HHAT: variants seen among roughly 807,000 people sequenced by gnomAD.
HHAT encodes protein-cysteine N-palmitoyltransferase HHAT.
Under a neutral mutation model 70.8 loss-of-function variants are expected in HHAT, and 47 were observed. The observed-to-expected ratio is 0.66, with a 90% CI of 0.53 to 0.85. HHAT has a LOEUF of 0.85. HHAT is among the 40% of genes least tolerant of loss of function. The pLI, the probability that HHAT is intolerant of heterozygous loss-of-function variation, is 0.00. For synonymous variants in HHAT, 228 were observed against 247.6 expected (o/e 0.92, Z 0.74); for missense variants, 609 against 604.8 (o/e 1.01, Z -0.07).
At chr1:210,561,303 A>C (rs1216126587) in intron 9 of HHAT, among the ~76,000 whole-genome samples, 2 of 152,254 alleles carry the variant, frequency 1.3e-5, no homozygotes, top group Non-Finnish European at 2.9e-5. Context: ...AAATATGAGC[A>C]GGGTACTTAA....
intron 6 of HHAT, among the ~76,000 whole-genome samples, 166 bp from the exon 7 acceptor site, chr1:210,417,988 C>A (rs911530488): frequency 2.0e-5 from 3 of 152,154 alleles, no homozygotes; most frequent in Non-Finnish European, 2.9e-5. Flanking sequence ...AGCTGAAATA[C>A]GATTCTTCCA....
chr1:210,629,427 C>A (rs1043887195), intron 11 of HHAT, among the ~76,000 whole-genome samples: 2 of 152,256 alleles, frequency 1.3e-5, no homozygotes, highest in Non-Finnish European at 2.9e-5. Context: ...GTTATGGAAA[C>A]TTTTTCCTGC....
At chr1:210,376,328 C>T (rs1173998094) in intron 3 of HHAT, among the ~76,000 whole-genome samples, 1 of 152,118 alleles carries the variant, frequency 6.6e-6, no homozygotes, top group African/African-American at 2.4e-5. Flanking sequence ...AGCTCTCTAG[C>T]CAGTCTGCTC....
intron 11 of HHAT, among the ~76,000 whole-genome samples, chr1:210,635,513 G>A (rs1225858222): frequency 6.6e-6 from 1 of 152,162 alleles, no homozygotes; most frequent in African/African-American, 2.4e-5. Flanking sequence ...GGGTGATCAG[G>A]GGGAGGCGGT....
chr1:210,357,226 G>A (rs1224165880), intron 2 of HHAT, among the ~76,000 whole-genome samples: 3 of 151,662 alleles, frequency 2.0e-5, no homozygotes, highest in Non-Finnish European at 4.4e-5. Flanking sequence ...GGTCCTTCAG[G>A]TAGGTGTTGG....
intron 6 of HHAT, among the ~76,000 whole-genome samples, chr1:210,409,573 C>A (rs1480835397): frequency 6.6e-6 from 1 of 152,166 alleles, no homozygotes; most frequent in Non-Finnish European, 1.5e-5. Flanking sequence ...ACAACTGCCA[C>A]AAGGCCTCCT....
Position 210,387,611 on chromosome 1 carries a change from G to C in HHAT, c.273+30G>C, listed in dbSNP as rs1261776476. On this transcript the variant is annotated intron_variant, in intron 4 of 11. Coordinates refer to ENST00000261458, the MANE Select transcript of HHAT (RefSeq NM_018194.6). ...GATTATATGTGTTGTTACCTTTTAA[G>C]TGTGTTTTTCCTTTGCTTCTTGTGA... The C allele has an allele frequency of 3.2e-6, 5 of 1,553,028 alleles. No homozygotes were observed. The Admixed American group carries it at 8.4e-5, about 26-fold the overall frequency.
chr1:210,332,486 G>A (rs1008444362), intron 1 of HHAT, among the ~76,000 whole-genome samples: 9 of 152,164 alleles, frequency 5.9e-5, no homozygotes, highest in African/African-American at 2.2e-4. Context: ...CTCAATATCC[G>A]CTGCTATTTC....
chr1:210,514,613 T>C (rs17260473), intron 9 of HHAT, among the ~76,000 whole-genome samples: 11,658 of 152,250 alleles, frequency 0.077, 555 homozygotes, highest in Non-Finnish European at 0.11. Context: ...CATGTCTTAG[T>C]CACCTATCAA....
intron 4 of HHAT, among the ~76,000 whole-genome samples, chr1:210,389,635 T>C (rs1448736429): frequency 6.6e-6 from 1 of 152,264 alleles, no homozygotes; most frequent in Non-Finnish European, 1.5e-5. Context: ...ATATGTTTGC[T>C]TCCCCTTTGC....
intron 9 of HHAT, among the ~76,000 whole-genome samples, chr1:210,558,937 C>A (rs1224479782): frequency 6.6e-6 from 1 of 152,084 alleles, no homozygotes; most frequent in Non-Finnish European, 1.5e-5. Flanking sequence ...AGTGAGGAGA[C>A]TGTGCTTCTA....
chr1:210,533,643 A>G (rs1312084245), intron 9 of HHAT, among the ~76,000 whole-genome samples: 3 of 152,176 alleles, frequency 2.0e-5, no homozygotes, highest in East Asian at 3.8e-4. Flanking sequence ...GCATTTGTAT[A>G]TGGTGCACCC....
chr1:210,453,549 A>G (rs1049687842), intron 7 of HHAT, among the ~76,000 whole-genome samples: 18 of 151,666 alleles, frequency 1.2e-4, no homozygotes, highest in African/African-American at 4.1e-4. Flanking sequence ...TCCTTCCCCC[A>G]TAGTCCCCTC....
At chr1:210,342,870 G>A in intron 1 of HHAT, among the ~76,000 whole-genome samples, 1 of 152,244 alleles carries the variant, frequency 6.6e-6, no homozygotes, top group Non-Finnish European at 1.5e-5. Context: ...TTTACATTGT[G>A]TCATAAATCC....
intron 11 of HHAT, among the ~76,000 whole-genome samples, chr1:210,669,375 G>A (rs928422586): frequency 7.2e-6 from 1 of 139,056 alleles, no homozygotes; most frequent in Non-Finnish European, 1.7e-5. Flanking sequence ...TGTCCTACCT[G>A]TTTCTCATTA....
chr1:210,666,098 A>G lies in HHAT; in HGVS notation c.1391-8190A>G, dbSNP rs549638107. The stretch of plus-strand genomic sequence containing the variant: ...CCATTGTCTTCTAAAAATGGGTACC[A>G]GTAGGATGTGGTCTTTGAAACAGCC... On this transcript the variant is annotated intron_variant, in intron 11 of 11. Transcript: ENST00000261458. Among the ~76,000 whole-genome samples the G allele has an allele frequency of 5.3e-5, 8 of 152,334 alleles. No homozygotes were observed. In the South Asian group the frequency reaches 1.0e-3, roughly 20 times the overall value.
At chr1:210,673,762 ATTATTTATTTATTTAT>A (rs58146322) in intron 11 of HHAT, among the ~76,000 whole-genome samples, 3,893 of 92,036 alleles carry the variant, frequency 0.042, 144 homozygotes, top group Admixed American at 0.097. Flanking sequence ...TGGCTTATTT[ATTATTTATTTATTTAT>A]TTATTTATTT....
intron 10 of HHAT, among the ~76,000 whole-genome samples, chr1:210,597,835 G>C (rs2148813713): frequency 6.6e-6 from 1 of 151,530 alleles, no homozygotes; most frequent in South Asian, 2.1e-4. Flanking sequence ...TGGGTGAGCT[G>C]ATACCTTGGC....
intron 3 of HHAT, among the ~76,000 whole-genome samples, chr1:210,384,958 T>C (rs983007354): frequency 2.0e-5 from 3 of 152,322 alleles, no homozygotes; most frequent in Middle Eastern, 3.4e-3. Context: ...TAGGGAAGAA[T>C]AGACATGAGA....
Sources: gnomAD v4.1 joint callset for allele counts (sites outside exome capture counted in the v4.1 genomes callset) on GRCh38, gnomAD v4.1.1 for gene constraint, MANE v1.5 for transcripts, NCBI Gene and HGNC (gene_info 2026-07-23, HGNC 2026-07-21) for gene names.